Variants in ATXN7 observed in about 807,000 individuals in gnomAD.
ATXN7 encodes ataxin-7.
In ATXN7, 12 loss-of-function variants were observed where a neutral mutation model predicts 70.5. That is an observed-to-expected ratio of 0.17 (90% confidence interval 0.11 to 0.28). The LOEUF is 0.28. Among genes scored for constraint, ATXN7 ranks in the 10% least tolerant of loss-of-function variants. ATXN7 has a pLI of 1.00. For synonymous variants in ATXN7, 498 were observed against 448.7 expected, an observed-to-expected ratio of 1.11 and a Z score of -1.39; for missense variants, 1,256 against 1,131.7, an observed-to-expected ratio of 1.11 and a Z score of -1.58.
At chr3:63,933,533 T>C (rs779543333) in intron 4 of ATXN7, among the ~76,000 whole-genome samples, 4 of 152,204 alleles carry the variant, frequency 2.6e-5, no homozygotes, top group Non-Finnish European at 5.9e-5. Context: ...CTGCAAGCCC[T>C]GGCCTCCACA....
intron 5 of ATXN7, among the ~76,000 whole-genome samples, chr3:63,978,934 T>C (rs1293718913): frequency 1.3e-5 from 2 of 152,248 alleles, no homozygotes; most frequent in Non-Finnish European, 2.9e-5. Context: ...ATATAGCTCC[T>C]GTATTGTGAT....
chr3:63,901,560 C>T (rs994451262), intron 2 of ATXN7: 2 of 152,094 alleles, frequency 1.3e-5, no homozygotes, highest in African/African-American at 4.8e-5. Context: ...CCAGGTTCAT[C>T]TATGTTGCTG....
upstream of ATXN7, chr3:63,863,741 C>T: frequency 8.0e-7 from 1 of 1,249,104 alleles, no homozygotes; most frequent in Non-Finnish European, 1.0e-6. Flanking sequence ...GGCCGTGCAG[C>T]GGGCGCGTGT....
chr3:63,995,087 A>G (rs763808493), intron 11 of ATXN7, among the ~76,000 whole-genome samples: 2 of 152,122 alleles, frequency 1.3e-5, no homozygotes, highest in African/African-American at 4.8e-5. Context: ...TGTGCTGAAC[A>G]CTAGGACCAC....
chr3:63,989,589 C>T (rs771028150), intron 9 of ATXN7, among the ~76,000 whole-genome samples: 2 of 151,800 alleles, frequency 1.3e-5, no homozygotes, highest in Admixed American at 6.6e-5. Flanking sequence ...TCAGTATTCC[C>T]TAAACAATAC....
At chr3:63,964,455 A>G (rs535380620) in intron 5 of ATXN7, among the ~76,000 whole-genome samples, 2 of 152,312 alleles carry the variant, frequency 1.3e-5, no homozygotes, top group South Asian at 2.1e-4. Context: ...TGGTCACCTT[A>G]TAAAGGTGTT....
chr3:63,888,339 C>T (rs971107724), intron 1 of ATXN7, among the ~76,000 whole-genome samples: 1 of 152,072 alleles, frequency 6.6e-6, no homozygotes, highest in African/African-American at 2.4e-5. Flanking sequence ...CCCAGTTTCT[C>T]CCATTTATTA....
intron 2 of ATXN7, among the ~76,000 whole-genome samples, chr3:63,903,165 C>A (rs921404632): frequency 6.6e-6 from 1 of 151,828 alleles, no homozygotes; most frequent in African/African-American, 2.4e-5. Context: ...GAGGCCGAGG[C>A]GGGAGGATCA....
At chr3:63,907,573 C>T (rs1443111231) in intron 2 of ATXN7, among the ~76,000 whole-genome samples, 1 of 151,366 alleles carries the variant, frequency 6.6e-6, no homozygotes, top group South Asian at 2.1e-4. Flanking sequence ...AGTCCTCCCC[C>T]TCAGCCTCCC....
intron 11 of ATXN7, among the ~76,000 whole-genome samples, chr3:63,995,131 A>G (rs974305781): frequency 3.3e-5 from 5 of 152,168 alleles, no homozygotes; most frequent in African/African-American, 1.2e-4. Flanking sequence ...CTCTCTCTGC[A>G]GAGGATTTGG....
intron 12 of ATXN7, chr3:63,997,633 C>T: frequency 1.3e-6 from 2 of 1,552,052 alleles, no homozygotes; most frequent in Non-Finnish European, 1.7e-6. Flanking sequence ...TATCTCCTCA[C>T]CTTGCTTACG....
intron 1 of ATXN7, among the ~76,000 whole-genome samples, chr3:63,895,888 T>A (rs974048481): frequency 2.0e-5 from 3 of 152,036 alleles, no homozygotes; most frequent in Non-Finnish European, 2.9e-5. Context: ...GAGCAGCACA[T>A]TCATTCTTTC....
At chr3:63,971,395 A>G (rs1187943329) in intron 5 of ATXN7, among the ~76,000 whole-genome samples, 1 of 152,198 alleles carries the variant, frequency 6.6e-6, no homozygotes, top group African/African-American at 2.4e-5. Flanking sequence ...GAATAGTTTC[A>G]TCAAGTGCCT....
At chr3:63,986,886 G>GCA (rs1302609130) in intron 8 of ATXN7, among the ~76,000 whole-genome samples, 4 of 152,154 alleles carry the variant, frequency 2.6e-5, no homozygotes, top group Non-Finnish European at 2.9e-5. Flanking sequence ...GTAGGGGCAT[G>GCA]CACACACACA....
chr3:63,863,912 C>T lies in ATXN7; in HGVS notation c.-357C>T, dbSNP rs1575821573. 2.0e-6 allele frequency: 2 copies of T among 1,006,888 alleles called. No individual in the cohort carries two copies. Among genetic ancestry groups the T allele is most frequent in the Non-Finnish European group, 2.4e-6 (2 of 830,226 alleles). 62.4% of individuals were successfully genotyped at this position (1,006,888 alleles called of 1,614,324 possible). On this transcript the variant is annotated 5_prime_UTR_variant, in exon 1 of 13. Transcript: ENST00000674280. The stretch of plus-strand genomic sequence containing the variant: ...GCCATGGAGGAGGAGGCGGCGGCGC[C>T]CGCGGCCGCCTGCTCCGACGCCTGA...
chr3:63,903,375 A>G (rs917228932), intron 2 of ATXN7, among the ~76,000 whole-genome samples: 4 of 144,796 alleles, frequency 2.8e-5, no homozygotes, highest in African/African-American at 1.0e-4. Flanking sequence ...CAACAGAGCA[A>G]GACTCCGTCT....
chr3:63,956,119 C>T (rs1202794306), intron 5 of ATXN7, among the ~76,000 whole-genome samples: 2 of 152,174 alleles, frequency 1.3e-5, no homozygotes, highest in African/African-American at 4.8e-5. Flanking sequence ...TGATTGCTCT[C>T]ACAGCATAGT....
intron 4 of ATXN7, among the ~76,000 whole-genome samples, chr3:63,940,968 C>T (rs1377233166): frequency 1.3e-5 from 2 of 152,094 alleles, no homozygotes; most frequent in African/African-American, 4.8e-5. Flanking sequence ...TTAAGGAACC[C>T]GTGAGACAAA....
chr3:63,929,626 G>T (rs1335293426), intron 4 of ATXN7, among the ~76,000 whole-genome samples: 1 of 152,094 alleles, frequency 6.6e-6, no homozygotes, highest in Non-Finnish European at 1.5e-5. Flanking sequence ...ATTAAGCAAG[G>T]CTCTGGTTGA....
Sources: gnomAD v4.1 joint callset for allele counts (sites outside exome capture counted in the v4.1 genomes callset) on GRCh38, gnomAD v4.1.1 for gene constraint, MANE v1.5 for transcripts, NCBI Gene and HGNC (gene_info 2026-07-23, HGNC 2026-07-21) for gene names.